PRH1: variants seen among roughly 807,000 people sequenced by gnomAD.
PRH1 encodes proline rich protein HaeIII subfamily 1.
PRH1 carries 7 observed loss-of-function variants against 7.9 expected under a neutral mutation model. The ratio of observed to expected loss-of-function variants is 0.89; its 90% CI spans 0.50 to 1.67. The LOEUF (loss-of-function observed/expected upper bound fraction) is 1.67. PRH1 is among the 40% of genes most tolerant of loss of function. PRH1 has a pLI of 0.00. For synonymous variants in PRH1, 45 were observed against 80.8 expected (o/e 0.56, Z 2.38); for missense variants, 109 against 223.6 (o/e 0.49, Z 3.27).
chr12:11,091,677 A>G, intron 1 of PRH1: 1 of 1,257,672 alleles, frequency 8.0e-7, no homozygotes, highest in Non-Finnish European at 1.1e-6. Flanking sequence ...AAGGGTACTA[A>G]GTTTGCTACC....
chr12:11,151,267 T>C (rs561191674), intron 1 of PRH1, among the ~76,000 whole-genome samples: 64 of 127,956 alleles, frequency 5.0e-4, no homozygotes, highest in African/African-American at 1.6e-3. Flanking sequence ...CTGCTGGTCA[T>C]CCTTGCTTTT....
In PRH1 at chr12:10,974,551, A is replaced by T. The variant is rs182591299; in HGVS notation, c.-125-830T>A. On this transcript the variant is annotated intron_variant, in intron 1 of 3. Coordinates refer to the PRH1 transcript ENST00000539853. ...ATCCTTGGCACCCCCAAAATCTACC[A>T]TAAACAAAGCTAGTAAATGAAACCC... Among the ~76,000 whole-genome samples the T allele has an allele frequency of 2.6e-5, 4 of 152,274 alleles. No homozygotes were observed. In the East Asian group the frequency reaches 7.7e-4, roughly 29 times the overall value.
chr12:11,033,962 C>A (rs34499376), intron 1 of PRH1, among the ~76,000 whole-genome samples: 65,790 of 150,562 alleles, frequency 0.44, 15,164 homozygotes, highest in Non-Finnish European at 0.51. Flanking sequence ...ATTCCACTTT[C>A]CAAGTCCCTA....
intron 1 of PRH1, chr12:11,077,685 T>C: frequency 8.9e-7 from 1 of 1,125,970 alleles, no homozygotes; most frequent in East Asian, 2.6e-5. Flanking sequence ...GAATGAAGGG[T>C]ATGAGGTTTG....
chr12:10,987,161 A>G (rs144079525), intron 1 of PRH1, among the ~76,000 whole-genome samples: 1 of 152,264 alleles, frequency 6.6e-6, no homozygotes, highest in East Asian at 1.9e-4. Context: ...AGTGAAACCT[A>G]AATTTTCATT....
At chr12:11,109,797 G>A (rs911779146) in intron 1 of PRH1, among the ~76,000 whole-genome samples, 1 of 152,066 alleles carries the variant, frequency 6.6e-6, no homozygotes, top group Admixed American at 6.6e-5. Context: ...ACCAGCAAGG[G>A]AACAAAACTG....
chr12:10,960,649 T>A (rs1181261508), intron 2 of PRH1, among the ~76,000 whole-genome samples: 1 of 152,228 alleles, frequency 6.6e-6, no homozygotes, highest in Non-Finnish European at 1.5e-5. Flanking sequence ...TTGCAAAACA[T>A]CATGCTAACT....
chr12:11,072,789 G>A (rs75697683), intron 1 of PRH1, among the ~76,000 whole-genome samples: 34,414 of 86,580 alleles, frequency 0.4, 4,170 homozygotes, highest in Non-Finnish European at 0.49. Context: ...AATATTTCTT[G>A]TTTTTCACCC....
At chr12:10,981,514 C>T (rs1447132088) in intron 1 of PRH1, among the ~76,000 whole-genome samples, 4 of 151,706 alleles carry the variant, frequency 2.6e-5, no homozygotes, top group Non-Finnish European at 5.9e-5. Context: ...GCTTGGATTA[C>T]AGGTGCAACA....
At chr12:11,072,258 A>AGC in intron 1 of PRH1, among the ~76,000 whole-genome samples, 1 of 152,066 alleles carries the variant, frequency 6.6e-6, no homozygotes, top group African/African-American at 2.4e-5. Flanking sequence ...AAGTTCCGGG[A>AGC]TTGCAAGCAA....
At chr12:11,068,839 T>C (rs1943935928) in intron 1 of PRH1, among the ~76,000 whole-genome samples, 1 of 152,178 alleles carries the variant, frequency 6.6e-6, no homozygotes, top group South Asian at 2.1e-4. Flanking sequence ...CTCACTCTGA[T>C]TTAGTGGAAA....
intron 1 of PRH1, chr12:11,062,095 T>C: frequency 6.2e-7 from 1 of 1,613,672 alleles, no homozygotes. Flanking sequence ...CTCAGTTGCA[T>C]ACCAATTTAA....
intron 1 of PRH1, among the ~76,000 whole-genome samples, chr12:11,021,296 G>T (rs1347609977): frequency 2.6e-5 from 4 of 151,966 alleles, no homozygotes; most frequent in African/African-American, 9.7e-5. Flanking sequence ...CATATATGTG[G>T]TACAAATTAC....
chr12:11,164,181 T>A (rs545198183), intron 1 of PRH1, among the ~76,000 whole-genome samples: 26 of 152,306 alleles, frequency 1.7e-4, no homozygotes, highest in Non-Finnish European at 3.1e-4. Flanking sequence ...GAGATGAGCA[T>A]TGGAATCTGT....
chr12:10,928,521 G>A, intron 2 of PRH1, among the ~76,000 whole-genome samples: 1 of 152,134 alleles, frequency 6.6e-6, no homozygotes, highest in Non-Finnish European at 1.5e-5. Context: ...GTTCAGTTTT[G>A]CTTTAATAAT....
chr12:11,030,162 TTGTA>T (rs1942114230), intron 1 of PRH1, among the ~76,000 whole-genome samples: 1 of 152,234 alleles, frequency 6.6e-6, no homozygotes, highest in Non-Finnish European at 1.5e-5. Flanking sequence ...ATTTGGCAGT[TTGTA>T]TGAAAAAAAC....
chr12:11,116,488 C>A (rs747972941), downstream of PRH1, among the ~76,000 whole-genome samples: 39 of 151,930 alleles, frequency 2.6e-4, no homozygotes, highest in Admixed American at 1.2e-3. Flanking sequence ...CTGAATTCTA[C>A]CAAACATTTA....
chr12:10,941,239 C>T (rs972063920), intron 2 of PRH1, among the ~76,000 whole-genome samples: 1 of 152,174 alleles, frequency 6.6e-6, no homozygotes, highest in Non-Finnish European at 1.5e-5. Flanking sequence ...GAGGGTCTCG[C>T]CCAAAGGACC....
intron 1 of PRH1, among the ~76,000 whole-genome samples, chr12:11,130,946 C>T (rs935906867): frequency 6.6e-6 from 1 of 151,788 alleles, no homozygotes; most frequent in Non-Finnish European, 1.5e-5. Flanking sequence ...CAAACATGTG[C>T]TTTCTCAGAT....
Sources: allele counts gnomAD v4.1 joint callset (sites outside exome capture counted in the v4.1 genomes callset), GRCh38; gene constraint gnomAD v4.1.1; transcripts MANE v1.5; gene names NCBI Gene and HGNC (gene_info 2026-07-23, HGNC 2026-07-21).